FGF1: variants seen among roughly 807,000 people sequenced by gnomAD.
FGF1 encodes beta-endothelial cell growth factor.
FGF1 carries 9 observed loss-of-function variants against 13.4 expected under a neutral mutation model. The ratio of observed to expected loss-of-function variants is 0.67; its 90% CI spans 0.40 to 1.17. The LOEUF is 1.17. Among genes scored for constraint, FGF1 ranks in the 50% most tolerant of loss-of-function variants. The pLI, the probability that FGF1 is intolerant of heterozygous loss-of-function variation, is 0.01. For missense variants in FGF1, 156 were observed against 192.7 expected (o/e 0.81, Z 1.13); for synonymous variants, 93 against 79.0 (o/e 1.18, Z -0.94).
At chr5:142,602,538 A>T (rs886655838) in intron 2 of FGF1, among the ~76,000 whole-genome samples, 9 of 152,170 alleles carry the variant, frequency 5.9e-5, no homozygotes, top group South Asian at 2.1e-4. Context: ...CAAACAGCAG[A>T]GGAGATAGTG....
intron 1 of FGF1, among the ~76,000 whole-genome samples, chr5:142,646,869 C>T (rs1039239317): frequency 6.6e-6 from 1 of 152,192 alleles, no homozygotes; most frequent in Admixed American, 6.5e-5. Context: ...GTCATCGTTT[C>T]TTCCCCACTT....
At chr5:142,625,887 C>T (rs1222671280) in intron 1 of FGF1, among the ~76,000 whole-genome samples, 1 of 152,192 alleles carries the variant, frequency 6.6e-6, no homozygotes. Flanking sequence ...GGTCTGTTGG[C>T]TGCATCTTTT....
At chr5:142,691,445 TAAAATAAAATAAAATAAAATAAAATAAA>T (rs1415539001) in intron 2 of FGF1, among the ~76,000 whole-genome samples, 1 of 107,440 alleles carries the variant, frequency 9.3e-6, no homozygotes, top group South Asian at 2.4e-4. Flanking sequence ...TAAAATAAAA[TAAAATAAAATAAAATAAAATAAAATAAA>T]ATAAAATAAA....
At chr5:142,646,285 C>T (rs1415112166) in intron 1 of FGF1, among the ~76,000 whole-genome samples, 1 of 125,822 alleles carries the variant, frequency 7.9e-6, no homozygotes, top group Non-Finnish European at 1.6e-5. Flanking sequence ...GGTGCAATTT[C>T]AGCTCACTGC....
intron 1 of FGF1, among the ~76,000 whole-genome samples, chr5:142,625,313 GACACACACACACAC>G (rs59813387): frequency 9.4e-5 from 14 of 148,404 alleles, no homozygotes; most frequent in East Asian, 2.0e-4. Context: ...ACTACAAGCG[GACACACACACACAC>G]ACACACACAC....
intron 3 of FGF1, 43 bp from the exon 4 acceptor site, chr5:142,595,527 A>G (rs757251405): frequency 6.5e-7 from 1 of 1,542,628 alleles, no homozygotes; most frequent in Non-Finnish European, 8.9e-7. Flanking sequence ...ATCAGTGAGT[A>G]GTTTCACATG....
chr5:142,691,032 G>A (rs537473813), upstream of FGF1, among the ~76,000 whole-genome samples: 13 of 152,224 alleles, frequency 8.5e-5, no homozygotes, highest in East Asian at 9.6e-4. Flanking sequence ...CTGACCACCC[G>A]TTCTAAATCA....
At chr5:142,663,943 G>A (rs771429978) in intron 1 of FGF1, among the ~76,000 whole-genome samples, 2 of 152,112 alleles carry the variant, frequency 1.3e-5, no homozygotes, top group South Asian at 2.1e-4. Flanking sequence ...CAAATCTGGC[G>A]CAAATCACAA....
intron 1 of FGF1, among the ~76,000 whole-genome samples, chr5:142,634,062 G>A (rs531958756): frequency 3.3e-5 from 5 of 151,860 alleles, no homozygotes; most frequent in Non-Finnish European, 5.9e-5. Flanking sequence ...ACGTGGTGGC[G>A]GGCGCCTGTA....
intron 1 of FGF1, among the ~76,000 whole-genome samples, chr5:142,684,638 C>T (rs11167786): frequency 0.27 from 41,475 of 152,112 alleles, 5,773 homozygotes; most frequent in Middle Eastern, 0.3. Context: ...AGGGAATTTG[C>T]GACTGTGAAT....
chr5:142,602,377 A>C (rs1000048145), intron 2 of FGF1, among the ~76,000 whole-genome samples: 1 of 151,970 alleles, frequency 6.6e-6, no homozygotes, highest in Non-Finnish European at 1.5e-5. Context: ...GGGTTTCACC[A>C]TGTTGGCCAG....
chr5:142,667,740 C>G lies in FGF1; in HGVS notation c.-35+18217G>C, dbSNP rs115831994. Among the ~76,000 whole-genome samples the G allele has an allele frequency of 1.5e-3, 233 of 152,278 alleles. 1 individual carries two copies. Among genetic ancestry groups the G allele is most frequent in the East Asian group, 6.2e-3 (32 of 5,178 alleles). On this transcript the variant is annotated intron_variant, in intron 1 of 3. Coordinates refer to ENST00000337706, the MANE Select transcript of FGF1 (RefSeq NM_000800.5). Reference sequence around the variant, plus strand: ...ATGCTAAATATGCTGAAGGCCTCGGCGGGCTCTGAAAATTCCGAACTCTGG... The same window carrying G: ...ATGCTAAATATGCTGAAGGCCTCGGGGGGCTCTGAAAATTCCGAACTCTGG...
At chr5:142,645,200 C>T (rs1339834068) in intron 1 of FGF1, among the ~76,000 whole-genome samples, 1 of 152,188 alleles carries the variant, frequency 6.6e-6, no homozygotes, top group Non-Finnish European at 1.5e-5. Context: ...TAGGTGGGGC[C>T]AGCACAATGG....
At chr5:142,607,914 T>C (rs901079463) in intron 2 of FGF1, among the ~76,000 whole-genome samples, 1 of 152,214 alleles carries the variant, frequency 6.6e-6, no homozygotes, top group Non-Finnish European at 1.5e-5. Context: ...ACACCTTTTG[T>C]CTGAGGAACT....
chr5:142,637,715 C>T (rs1422989118), intron 1 of FGF1, among the ~76,000 whole-genome samples: 1 of 152,094 alleles, frequency 6.6e-6, no homozygotes, highest in African/African-American at 2.4e-5. Flanking sequence ...CGTCCCTGCT[C>T]TTCTGCACCC....
chr5:142,617,726 T>C (rs1760555143), intron 1 of FGF1, among the ~76,000 whole-genome samples: 1 of 152,160 alleles, frequency 6.6e-6, no homozygotes, highest in Admixed American at 6.5e-5. Flanking sequence ...GATTGATGAC[T>C]CAGCTGAAAC....
chr5:142,690,333 C>T (rs1422303657), upstream of FGF1, among the ~76,000 whole-genome samples: 3 of 151,918 alleles, frequency 2.0e-5, no homozygotes, highest in East Asian at 5.9e-4. Context: ...AGTGAGACTC[C>T]GTCTGGGGAA....
intron 3 of FGF1, 108 bp downstream of exon 3, chr5:142,600,591 TAAC>T (rs1345779586): frequency 1.3e-6 from 1 of 771,240 alleles, no homozygotes; most frequent in Non-Finnish European, 2.3e-6. Context: ...CTGGAAAAAA[TAAC>T]AAACAGAGAC....
Position 142,648,475 on chromosome 5 carries a change from G to C in FGF1, c.-34-34314C>G, listed in dbSNP as rs913924877. Among the ~76,000 whole-genome samples, 9 of 151,642 alleles carry C rather than the reference G, an allele frequency of 5.9e-5. No individual in the cohort carries two copies. In the South Asian group the frequency reaches 1.9e-3, roughly 32 times the overall value. Reference sequence around the variant, plus strand: ...TGAACAATGAGAACACATGGACACAGGGAGGGGATCATCACACACTGGGGC... The same window carrying C: ...TGAACAATGAGAACACATGGACACACGGAGGGGATCATCACACACTGGGGC... On this transcript the variant is annotated intron_variant, in intron 1 of 3. Transcript: ENST00000337706.
Sources: gnomAD v4.1 joint callset for allele counts (sites outside exome capture counted in the v4.1 genomes callset) on GRCh38, gnomAD v4.1.1 for gene constraint, MANE v1.5 for transcripts, NCBI Gene and HGNC (gene_info 2026-07-23, HGNC 2026-07-21) for gene names.